The following TCTN1 variants were observed in gnomAD, a reference collection of about 807,000 sequenced individuals.
TCTN1 encodes the protein tectonic-1.
TCTN1 carries 58 observed loss-of-function variants against 65.8 expected under a neutral mutation model. The observed-to-expected ratio is 0.88, with a 90% confidence interval of 0.71 to 1.10. TCTN1 has a LOEUF of 1.10. Ranked by LOEUF, TCTN1 falls within the 50% of genes least tolerant of loss-of-function variation. The probability of loss-of-function intolerance (pLI) is 0.00; values close to 1 mark genes in which losing one functional copy is unlikely to be tolerated. For synonymous variants in TCTN1, 273 were observed against 289.1 expected (o/e 0.94, Z 0.57); for missense variants, 645 against 719.4 (o/e 0.90, Z 1.18).
chr12:110,617,490 A>AT (rs1280829144), intron 1 of TCTN1, among the ~76,000 whole-genome samples: 1 of 151,358 alleles, frequency 6.6e-6, no homozygotes, highest in African/African-American at 2.4e-5. Flanking sequence ...TGCCTGGCTA[A>AT]TTTTTTTGGT....
At chr12:110,621,896 G>A (rs1448684546) in intron 2 of TCTN1, among the ~76,000 whole-genome samples, 1 of 151,836 alleles carries the variant, frequency 6.6e-6, no homozygotes. Flanking sequence ...CCAGCACTTT[G>A]GGAGGCTGAG....
chr12:110,621,036 C>T (rs532414145), intron 2 of TCTN1, among the ~76,000 whole-genome samples: 1 of 152,158 alleles, frequency 6.6e-6, no homozygotes, highest in Non-Finnish European at 1.5e-5. Flanking sequence ...AACTCCTGAC[C>T]TCAGGTGATC....
At chr12:110,628,573 T>C (rs1484934926) in intron 3 of TCTN1, among the ~76,000 whole-genome samples, 194 bp from the exon 4 acceptor site, 2 of 152,132 alleles carry the variant, frequency 1.3e-5, no homozygotes, top group Non-Finnish European at 2.9e-5. Flanking sequence ...ACTCCTGACC[T>C]CAGGCAGTCC....
In TCTN1 at chr12:110,640,589, GA is replaced by G; in HGVS notation, c.978+73del. 6.2e-6 allele frequency: 10 copies of G among 1,609,058 alleles called. No individual in the cohort carries two copies. The highest frequency in any genetic ancestry group is 8.5e-6 in the Non-Finnish European group (10 of 1,176,902). ...GCCTCTTGTTGCGCCGGGGTAACTG[GA>G]CGCCCTCCGAGGACGCTCTGTCCCA... On this transcript the variant is annotated intron_variant, in intron 8 of 14. Transcript: ENST00000397659. The surrounding 1 kb of genome is among the most constrained non-coding windows in gnomAD (Gnocchi z 4.9).
chr12:110,619,820 C>A lies in TCTN1; in HGVS notation c.221-16C>A. 6.2e-7 allele frequency: 1 copy of A among 1,613,978 alleles called. No individual in the cohort carries two copies. The highest frequency in any genetic ancestry group is 1.1e-5 in the South Asian group (1 of 91,062). ...TGATGGTGATGTTCTGGATCCTACC[C>A]CTCTTTTTTCTGCAGTTGCTGTTCT... On this transcript the variant is annotated splice_polypyrimidine_tract_variant and intron_variant, in intron 1 of 14. Transcript: ENST00000397659.
rs188296885 is a variant in TCTN1 at position 110,619,967 on chromosome 12, G to A, written c.341+11G>A. On this transcript the variant is annotated intron_variant, in intron 2 of 14. Coordinates refer to ENST00000397659, the MANE Select transcript of TCTN1 (RefSeq NM_001082538.3). ...AGTTCCAGTTGTCACGTAAGTTTAC[G>A]TATGACACATGCAATTTTGAAAAAA... 1.4e-4 allele frequency: 229 copies of A among 1,614,118 alleles called. No individual in the cohort carries two copies. The African/African-American group carries it at 2.4e-3, about 17-fold the overall frequency.
intron 2 of TCTN1, among the ~76,000 whole-genome samples, chr12:110,623,286 C>G (rs2065579078): frequency 6.6e-6 from 1 of 152,226 alleles, no homozygotes; most frequent in Non-Finnish European, 1.5e-5. Context: ...AGTCGTTACC[C>G]AGCCTTGGCC....
At chr12:110,627,098 CT>C (rs1272922586) in intron 3 of TCTN1, among the ~76,000 whole-genome samples, 11,780 of 130,510 alleles carry the variant, frequency 0.09, 428 homozygotes, top group Middle Eastern at 0.16. Context: ...TTCTTTCTTT[CT>C]TTTTTTTTTT....
At position 110,618,529 on chromosome 12, in the gene TCTN1, G is replaced by A. The variant is rs111534265; in HGVS notation, c.221-1307G>A. ...GCTGGGATTACAGGCATGAACCACCGCGCCCAGCCTAATTTTTGTATTTTT... is the reference window on the plus strand; with the variant it reads ...GCTGGGATTACAGGCATGAACCACCACGCCCAGCCTAATTTTTGTATTTTT... On this transcript the variant is annotated intron_variant, in intron 1 of 14. Transcript: ENST00000397659. 1.7e-3 allele frequency among the ~76,000 whole-genome samples: 252 copies of A among 152,072 alleles called. 1 individual carries two copies. Among genetic ancestry groups the A allele is most frequent in the Non-Finnish European group, 2.8e-3 (192 of 67,988 alleles).
In TCTN1 at chr12:110,640,602, G is replaced by A. The variant is rs1412784049; in HGVS notation, c.978+85G>A. 1.9e-6 allele frequency: 3 copies of A among 1,597,952 alleles called. No homozygotes were observed. The African/African-American group carries it at 4.0e-5, about 21-fold the overall frequency. On this transcript the variant is annotated intron_variant, in intron 8 of 14. Coordinates refer to ENST00000397659, the MANE Select transcript of TCTN1 (RefSeq NM_001082538.3). The surrounding 1 kb of genome is among the most constrained non-coding windows in gnomAD (Gnocchi z 4.9). ...CCGGGGTAACTGGACGCCCTCCGAGGACGCTCTGTCCCAGCCCATGGTGTG... is the reference window on the plus strand; with the variant it reads ...CCGGGGTAACTGGACGCCCTCCGAGAACGCTCTGTCCCAGCCCATGGTGTG...
At chr12:110,619,415 C>T (rs1279157774) in intron 1 of TCTN1, among the ~76,000 whole-genome samples, 2 of 152,232 alleles carry the variant, frequency 1.3e-5, no homozygotes, top group Middle Eastern at 3.4e-3. Flanking sequence ...TCCTCTGAAT[C>T]GTAATCTCTA....
chr12:110,636,638 G>A, intron 7 of TCTN1, 137 bp downstream of exon 7: 1 of 556,830 alleles, frequency 1.8e-6, no homozygotes, highest in Non-Finnish European at 3.1e-6. Flanking sequence ...TTGCCAAAAA[G>A]CAAGCAGAAG....
At chr12:110,626,297 A>C (rs2065837316) in intron 2 of TCTN1, 65 bp from the exon 3 acceptor site, 1 of 1,511,522 alleles carries the variant, frequency 6.6e-7, no homozygotes, top group African/African-American at 1.4e-5. Context: ...CAGTTTTAAA[A>C]TAATTTTGCT....
intron 2 of TCTN1, among the ~76,000 whole-genome samples, chr12:110,620,848 T>C (rs1472445869): frequency 6.6e-6 from 1 of 151,320 alleles, no homozygotes; most frequent in East Asian, 1.9e-4. Context: ...AGTCTCGCTC[T>C]GTTGCCCAGG....
In TCTN1 at chr12:110,642,396, G is replaced by T; in HGVS notation, c.1331+7G>T. Reference sequence around the variant, plus strand: ...AATCTGGCTGTAAACTAAGGTAAAAGAGTCACTTGTTTCTGTTTGAACTTG... The same window carrying T: ...AATCTGGCTGTAAACTAAGGTAAAATAGTCACTTGTTTCTGTTTGAACTTG... On this transcript the variant is annotated splice_region_variant and intron_variant, in intron 11 of 14. Coordinates refer to ENST00000397659, the MANE Select transcript of TCTN1 (RefSeq NM_001082538.3). 6.2e-7 allele frequency: 1 copy of T among 1,614,184 alleles called. No individual in the cohort carries two copies. The highest frequency in any genetic ancestry group is 1.1e-5 in the South Asian group (1 of 91,090).
intron 12 of TCTN1, chr12:110,646,891 A>G (rs113665725): frequency 3.3e-5 from 13 of 388,686 alleles, no homozygotes; most frequent in African/African-American, 2.5e-4. Context: ...AGATGAAGTT[A>G]GAGCAGTTAT....
chr12:110,626,038 C>T, intron 2 of TCTN1: 1 of 256,326 alleles, frequency 3.9e-6, no homozygotes, highest in Non-Finnish European at 7.6e-6. Context: ...AGGTGTGAGC[C>T]ACCGTGCCCA....
rs2066037823 is a variant in TCTN1, at chr12:110,628,929, ACTTGATTGATT to A, written c.624+15_624+25del. The A allele has an allele frequency of 6.2e-7, 1 of 1,613,112 alleles. No individual in the cohort carries two copies. The highest frequency in any genetic ancestry group is 8.5e-7 in the Non-Finnish European group (1 of 1,179,852). ...GCTGCTAAATATGAGGTGAGCCTGA[ACTTGATTGATT>A]CTTTTCATCCCATCACAAATATCTT... On this transcript the variant is annotated intron_variant, in intron 4 of 14. Transcript: ENST00000397659.
At chr12:110,628,708 C>T in intron 3 of TCTN1, 59 bp from the exon 4 acceptor site, 1 of 1,414,760 alleles carries the variant, frequency 7.1e-7, no homozygotes, top group Non-Finnish European at 9.7e-7. Context: ...TTATATAGGT[C>T]ATACATATTA....
Sources: allele counts gnomAD v4.1 joint callset (sites outside exome capture counted in the v4.1 genomes callset), GRCh38; gene constraint gnomAD v4.1.1; non-coding constraint Gnocchi (gnomAD v3.1); transcripts MANE v1.5; gene names NCBI Gene and HGNC (gene_info 2026-07-23, HGNC 2026-07-21).